HDAC4: variants seen among roughly 807,000 people sequenced by gnomAD.
HDAC4 encodes the protein histone deacetylase 4.
In HDAC4, 16 loss-of-function variants were observed where a neutral mutation model predicts 135.1. The observed-to-expected ratio is 0.12, with a 90% CI of 0.08 to 0.18. The LOEUF is 0.18. Ranked by LOEUF, HDAC4 falls within the 10% of genes least tolerant of loss-of-function variation. The pLI is 1.00. For synonymous variants in HDAC4, 685 were observed against 653.4 expected (o/e 1.05, Z -0.74); for missense variants, 1,143 against 1,511.8 (o/e 0.76, Z 4.05).
At chr2:239,163,953 G>A (rs1283304048) in intron 5 of HDAC4, 30 bp from the exon 6 acceptor site, 2 of 1,613,612 alleles carry the variant, frequency 1.2e-6, no homozygotes, top group Non-Finnish European at 1.7e-6. Context: ...AGCAGGGGGT[G>A]AAGTGTGGCT....
chr2:239,115,426 C>A lies in HDAC4; in HGVS notation c.1534-116G>T. ...GGGGCAGACAATCAGGGACTCAGGG[C>A]ACCTTATCACCCTGCCACAGGCCAG... is the stretch of plus-strand genomic sequence containing the variant. On this transcript the variant is annotated intron_variant, in intron 12 of 26. Coordinates refer to ENST00000543185, the MANE Select transcript of HDAC4 (RefSeq NM_001378414.1). The surrounding 1 kb of genome is among the most constrained non-coding windows in gnomAD (Gnocchi z 6.3). The A allele has an allele frequency of 7.8e-7, 1 of 1,275,270 alleles. No homozygotes were observed. Among genetic ancestry groups the A allele is most frequent in the Non-Finnish European group, 1.1e-6 (1 of 904,098 alleles). The allele number at this position is 1,275,270 out of a possible 1,614,324, so 79.0% of individuals were successfully genotyped here.
intron 22 of HDAC4, among the ~76,000 whole-genome samples, chr2:239,074,632 T>C (rs916705737): frequency 1.3e-5 from 2 of 152,242 alleles, no homozygotes; most frequent in East Asian, 1.9e-4. Context: ...CAACACCCTC[T>C]AGGTTGTGAT....
At chr2:239,124,927 T>C (rs62190765) in intron 12 of HDAC4, among the ~76,000 whole-genome samples, 16 of 25,732 alleles carry the variant, frequency 6.2e-4, no homozygotes, top group African/African-American at 9.4e-4. Context: ...TGCTGGCGTG[T>C]GGCTGCGTTA....
In HDAC4 at chr2:239,205,333, G is replaced by A. The variant is rs191246762; in HGVS notation, c.95-15256C>T. Among the ~76,000 whole-genome samples the A allele has an allele frequency of 5.9e-5, 9 of 152,284 alleles. No homozygotes were observed. The East Asian group carries it at 1.7e-3, about 29-fold the overall frequency. On this transcript the variant is annotated intron_variant, in intron 3 of 26. Coordinates refer to ENST00000543185, the MANE Select transcript of HDAC4 (RefSeq NM_001378414.1). ...TCAAAGCGAAACAGCAGACCGCTGA[G>A]ACAGAGTTCAGAAGACCCCGCAATA... is the stretch of plus-strand genomic sequence containing the variant.
At chr2:239,155,360 C>G (rs1182800831) in intron 7 of HDAC4, 2 of 152,238 alleles carry the variant, frequency 1.3e-5, no homozygotes, top group East Asian at 3.9e-4. Context: ...GGGACACCAC[C>G]GCCTCAACAC....
At chr2:239,234,759 C>T (rs559579725) in intron 3 of HDAC4, among the ~76,000 whole-genome samples, 3 of 152,198 alleles carry the variant, frequency 2.0e-5, no homozygotes, top group African/African-American at 7.2e-5. Flanking sequence ...TCACACCAGG[C>T]AGGGATCCCA....
intron 1 of HDAC4, among the ~76,000 whole-genome samples, chr2:239,363,622 C>T (rs10197122): frequency 0.19 from 29,028 of 152,106 alleles, 4,893 homozygotes; most frequent in East Asian, 0.77. Flanking sequence ...TAAAGGTAAG[C>T]AATGAGGCCT....
At chr2:239,242,183 G>C (rs527266647) in intron 2 of HDAC4, among the ~76,000 whole-genome samples, 16 of 139,548 alleles carry the variant, frequency 1.1e-4, no homozygotes, top group African/African-American at 3.7e-4. Flanking sequence ...GAAAGAGAGA[G>C]AGAGAAAGAG....
chr2:239,173,816 C>A (rs1156371597), intron 5 of HDAC4, among the ~76,000 whole-genome samples: 1 of 152,206 alleles, frequency 6.6e-6, no homozygotes, highest in African/African-American at 2.4e-5. Flanking sequence ...GGTTGCTGGA[C>A]ACAAAGTCAA....
rs368579118 is a variant in HDAC4 at position 239,123,976 on chromosome 2, A to G, written c.1533+2480T>C. Among the ~76,000 whole-genome samples, 17 of 150,564 alleles carry G rather than the reference A, an allele frequency of 1.1e-4. No homozygotes were observed. In the East Asian group the frequency reaches 1.4e-3, roughly 12 times the overall value. ...CCTCCGGACAGGTGGACAACCCAGG[A>G]CCGGTCCTGAAATCCAGGGAAGCAA... On this transcript the variant is annotated intron_variant, in intron 12 of 26. Coordinates refer to ENST00000543185, the MANE Select transcript of HDAC4 (RefSeq NM_001378414.1).
At position 239,156,720 on chromosome 2, in the gene HDAC4, G is replaced by C; in HGVS notation, c.665C>G (p.Ser222Trp). The change falls in exon 7 of 27, where the codon TCG becomes TGG. Residue 222 changes from serine to tryptophan, a missense_variant. Ser to Trp is a radical substitution (Grantham distance 177, BLOSUM62 -3). Coordinates refer to ENST00000543185, the MANE Select transcript of HDAC4 (RefSeq NM_001378414.1). The part of the protein sequence containing the change: ...DQSSPPQSGV[S>W]TSYNHPVLGM... ...CAGGACCGGGTGGTTATAGGAGGTC[G>C]ACACTCCGCTCTGGGGTGGAGAACT... 1 of 1,614,080 alleles carries C rather than the reference G, an allele frequency of 6.2e-7. No individual in the cohort carries two copies.
chr2:239,121,228 A>G (rs1362092189), intron 12 of HDAC4, among the ~76,000 whole-genome samples: 1 of 152,198 alleles, frequency 6.6e-6, no homozygotes, highest in Non-Finnish European at 1.5e-5. Flanking sequence ...GAGTGCTGGG[A>G]TTACAGGTGT....
At chr2:239,256,624 T>C (rs752269298) in intron 2 of HDAC4, among the ~76,000 whole-genome samples, 2 of 152,250 alleles carry the variant, frequency 1.3e-5, no homozygotes, top group African/African-American at 2.4e-5. Context: ...TGTCTGCCCC[T>C]AAGAGGGGCA....
chr2:239,364,960 G>GA (rs1184484939), intron 1 of HDAC4, among the ~76,000 whole-genome samples: 1 of 152,144 alleles, frequency 6.6e-6, no homozygotes. Flanking sequence ...TTTAAATGGA[G>GA]AAAAAACAGG....
intron 1 of HDAC4, among the ~76,000 whole-genome samples, chr2:239,393,039 T>G (rs1321224392): frequency 2.6e-5 from 4 of 152,058 alleles, no homozygotes; most frequent in Non-Finnish European, 5.9e-5. Flanking sequence ...CAGAGGAAGC[T>G]CTCGCCAGCA....
At chr2:239,314,191 C>G (rs1385827595) in intron 2 of HDAC4, among the ~76,000 whole-genome samples, 2 of 152,172 alleles carry the variant, frequency 1.3e-5, no homozygotes, top group Non-Finnish European at 2.9e-5. Flanking sequence ...TCTAGAGGAA[C>G]ACGCTATGAA....
chr2:239,399,807 G>C (rs1028487864), intron 1 of HDAC4, among the ~76,000 whole-genome samples: 1 of 152,182 alleles, frequency 6.6e-6, no homozygotes, highest in Admixed American at 6.5e-5. Flanking sequence ...CATGCAATTA[G>C]GATTTAGTGA....
intron 1 of HDAC4, among the ~76,000 whole-genome samples, chr2:239,377,455 G>T (rs1184224116): frequency 6.6e-6 from 1 of 152,234 alleles, no homozygotes; most frequent in East Asian, 1.9e-4. Context: ...CATCCTCTCT[G>T]CCACCAATGG....
intron 1 of HDAC4, among the ~76,000 whole-genome samples, chr2:239,367,605 T>A (rs1235101285): frequency 6.6e-6 from 1 of 152,158 alleles, no homozygotes; most frequent in East Asian, 1.9e-4. Context: ...ATGTGATGGG[T>A]CACAGTCAAA....
Sources: allele counts gnomAD v4.1 joint callset (sites outside exome capture counted in the v4.1 genomes callset), GRCh38; gene constraint gnomAD v4.1.1; non-coding constraint Gnocchi (gnomAD v3.1); transcripts MANE v1.5; gene names NCBI Gene and HGNC (gene_info 2026-07-23, HGNC 2026-07-21).